Variants in PTPRG observed in about 807,000 individuals in gnomAD.
PTPRG encodes receptor-type tyrosine-protein phosphatase gamma.
In PTPRG, 102 loss-of-function variants were observed where a neutral mutation model predicts 165.3. That is an observed-to-expected ratio of 0.62 (90% CI 0.53 to 0.73). The LOEUF is 0.73. Among genes scored for constraint, PTPRG ranks in the 30% least tolerant of loss-of-function variants. PTPRG has a pLI of 0.00. For missense variants in PTPRG, 1,866 were observed against 1,861.4 expected, an observed-to-expected ratio of 1.00 and a Z score of -0.05; for synonymous variants, 675 against 669.5, an observed-to-expected ratio of 1.01 and a Z score of -0.13.
chr3:62,180,154 TC>T (rs1220460099), intron 8 of PTPRG, among the ~76,000 whole-genome samples: 2 of 152,166 alleles, frequency 1.3e-5, no homozygotes, highest in African/African-American at 4.8e-5. Flanking sequence ...TTCTATAAAA[TC>T]CCAGCTAAAG....
chr3:61,989,733 A>G lies in PTPRG; in HGVS notation c.299A>G (p.Gln100Arg), dbSNP rs753659640. 1.2e-6 allele frequency: 2 copies of G among 1,614,188 alleles called. No individual in the cohort carries two copies. Among genetic ancestry groups the G allele is most frequent in the Non-Finnish European group, 1.7e-6 (2 of 1,180,020 alleles). Residue 100 changes from glutamine to arginine, a missense_variant, in exon 3 of 30, where the codon CAG (glutamine) becomes CGG (arginine). Physicochemically the swap from Gln to Arg is conservative, Grantham distance 43. Transcript: ENST00000474889. Reference protein sequence around the residue: ...DQYARVGEEYQELQLDGFDNE... With the variant: ...DQYARVGEEYRELQLDGFDNE... ...TATGCGCGTGTTGGGGAAGAATACC[A>G]GGAACTGCAACTCGATGGCTTCGAC...
chr3:61,878,039 T>C (rs2037791496), intron 2 of PTPRG, among the ~76,000 whole-genome samples: 1 of 152,226 alleles, frequency 6.6e-6, no homozygotes, highest in Admixed American at 6.5e-5. Context: ...TGTTGTTAAA[T>C]TTGGGATTTT....
intron 2 of PTPRG, among the ~76,000 whole-genome samples, chr3:61,958,541 A>G (rs982432378): frequency 2.6e-5 from 4 of 152,188 alleles, no homozygotes; most frequent in Non-Finnish European, 5.9e-5. Context: ...CTATGAAGCC[A>G]TCCCTGATTC....
chr3:61,988,349 A>G (rs1304883876), intron 2 of PTPRG, among the ~76,000 whole-genome samples: 2 of 152,136 alleles, frequency 1.3e-5, no homozygotes, highest in Non-Finnish European at 2.9e-5. Context: ...ACCATTGTTT[A>G]TATCTACTGT....
chr3:61,820,641 A>C (rs1435674742), intron 2 of PTPRG, among the ~76,000 whole-genome samples: 2 of 78,188 alleles, frequency 2.6e-5, no homozygotes, highest in African/African-American at 1.2e-4. Context: ...CTGTGGCTTT[A>C]GGGATAAAAC....
intron 2 of PTPRG, among the ~76,000 whole-genome samples, chr3:61,858,400 T>TCTTCAGGGATGCTG (rs2037172722): frequency 6.6e-6 from 1 of 152,228 alleles, no homozygotes; most frequent in Non-Finnish European, 1.5e-5. Context: ...TTAACAGTCC[T>TCTTCAGGGATGCTG]TCTAAAGCTA....
At chr3:62,200,332 G>T (rs1290384503) in intron 10 of PTPRG, among the ~76,000 whole-genome samples, 2 of 151,984 alleles carry the variant, frequency 1.3e-5, no homozygotes, top group African/African-American at 2.4e-5. Flanking sequence ...ATGCAATGAT[G>T]CAATCTCTGC....
chr3:61,887,719 T>TAA (rs36124010), intron 2 of PTPRG, among the ~76,000 whole-genome samples: 1 of 146,496 alleles, frequency 6.8e-6, no homozygotes, highest in Non-Finnish European at 1.5e-5. Flanking sequence ...TTCAGTAAGT[T>TAA]AAAAAAAAAA....
At chr3:61,831,980 A>T (rs1409843310) in intron 2 of PTPRG, among the ~76,000 whole-genome samples, 3 of 152,234 alleles carry the variant, frequency 2.0e-5, no homozygotes, top group Non-Finnish European at 4.4e-5. Context: ...TTTTCTAAAA[A>T]TAATGTAATA....
chr3:62,002,220 G>A (rs1237685577), intron 3 of PTPRG, among the ~76,000 whole-genome samples: 1 of 152,138 alleles, frequency 6.6e-6, no homozygotes, highest in Admixed American at 6.5e-5. Context: ...TGGGTCATTA[G>A]CCTAGTCCCT....
chr3:61,810,954 T>C (rs2035555731), intron 2 of PTPRG, among the ~76,000 whole-genome samples: 1 of 152,118 alleles, frequency 6.6e-6, no homozygotes, highest in South Asian at 2.1e-4. Context: ...CTTGCCTACC[T>C]GTGTTGGGGA....
chr3:62,019,089 T>C (rs1488576305), intron 4 of PTPRG, among the ~76,000 whole-genome samples: 1 of 152,194 alleles, frequency 6.6e-6, no homozygotes, highest in Non-Finnish European at 1.5e-5. Context: ...GCACCCAGGC[T>C]AACAGCAGGA....
chr3:61,916,472 T>C (rs985512763), intron 2 of PTPRG, among the ~76,000 whole-genome samples: 1 of 152,142 alleles, frequency 6.6e-6, no homozygotes, highest in Admixed American at 6.6e-5. Flanking sequence ...TTCTAGAGGT[T>C]AAGCTGTGAC....
intron 1 of PTPRG, among the ~76,000 whole-genome samples, chr3:61,707,051 G>T (rs1330047304): frequency 6.6e-6 from 1 of 151,970 alleles, no homozygotes; most frequent in Non-Finnish European, 1.5e-5. Flanking sequence ...GTCTATACAG[G>T]TCATTCCATA....
chr3:61,817,791 C>A (rs540101856), intron 2 of PTPRG, among the ~76,000 whole-genome samples: 24 of 152,164 alleles, frequency 1.6e-4, no homozygotes, highest in Non-Finnish European at 2.8e-4. Flanking sequence ...TACCTAGTTC[C>A]TGGATGAGTG....
intron 2 of PTPRG, among the ~76,000 whole-genome samples, chr3:61,923,912 A>G (rs551065383): frequency 6.6e-6 from 1 of 152,188 alleles, no homozygotes; most frequent in Admixed American, 6.5e-5. Context: ...AATTTTATCA[A>G]GTAAACGATT....
intron 2 of PTPRG, among the ~76,000 whole-genome samples, chr3:61,938,566 G>T (rs1196969776): frequency 1.3e-5 from 2 of 152,180 alleles, no homozygotes; most frequent in Non-Finnish European, 2.9e-5. Flanking sequence ...TGTTTGACAC[G>T]TGTAAGTGTT....
rs1702142990 is a variant in PTPRG at position 62,273,603 on chromosome 3, C to T, written c.3319-95C>T. On this transcript the variant is annotated intron_variant, in intron 22 of 29. Transcript: ENST00000474889. The surrounding 1 kb of genome is among the most constrained non-coding windows in gnomAD (Gnocchi z 4.1). ...GCTTGAAGGAAATCACTGGGAGGTC[C>T]CTGTTAGCAGCAGAATTAAACTAAG... The T allele has an allele frequency of 2.4e-6, 3 of 1,255,846 alleles. No individual in the cohort carries two copies. The highest frequency in any genetic ancestry group is 3.0e-5 in the African/African-American group (2 of 67,262). The allele number at this position is 1,255,846 out of a possible 1,614,324, so 77.8% of individuals were successfully genotyped here. A position where few individuals can be genotyped will look rare whatever the true frequency, so the allele number is the denominator to read the frequency against.
At chr3:61,871,054 A>G (rs900994075) in intron 2 of PTPRG, among the ~76,000 whole-genome samples, 5 of 151,978 alleles carry the variant, frequency 3.3e-5, no homozygotes, top group South Asian at 4.1e-4. Flanking sequence ...ATGAAGGGGC[A>G]ATCACCAGAG....
Sources: gnomAD v4.1 joint callset for allele counts (sites outside exome capture counted in the v4.1 genomes callset) on GRCh38, gnomAD v4.1.1 for gene constraint, Gnocchi (gnomAD v3.1) non-coding constraint, MANE v1.5 for transcripts, NCBI Gene and HGNC (gene_info 2026-07-23, HGNC 2026-07-21) for gene names.